Variants in EFCAB6 observed in about 807,000 individuals in gnomAD.
EFCAB6 encodes EF-hand calcium-binding domain-containing protein 6.
A neutral mutation model predicts 169.8 loss-of-function variants in EFCAB6; 156 were observed. The observed-to-expected ratio is 0.92, with a 90% CI of 0.81 to 1.05. EFCAB6 has a LOEUF of 1.05. Among genes scored for constraint, EFCAB6 ranks in the 50% least tolerant of loss-of-function variants. EFCAB6 has a pLI of 0.00. For synonymous variants in EFCAB6, 698 were observed against 676.4 expected (o/e 1.03, Z -0.50); for missense variants, 1,800 against 1,829.1 (o/e 0.98, Z 0.29).
chr22:43,599,200 T>C (rs959314991), intron 23 of EFCAB6, among the ~76,000 whole-genome samples: 17 of 152,142 alleles, frequency 1.1e-4, no homozygotes, highest in Admixed American at 4.6e-4. Flanking sequence ...GCTAAGCCAG[T>C]GCACTAATTT....
intron 27 of EFCAB6, chr22:43,554,062 T>C (rs377066420): frequency 7.2e-5 from 11 of 152,752 alleles, no homozygotes; most frequent in East Asian, 1.9e-4. Flanking sequence ...GCCAGCCTCC[T>C]GCCAGGGTCT....
intron 17 of EFCAB6, among the ~76,000 whole-genome samples, chr22:43,664,642 A>C (rs530848449): frequency 1.3e-5 from 2 of 152,194 alleles, no homozygotes; most frequent in Admixed American, 6.5e-5. Context: ...TTACCCAAGG[A>C]GCCGCGATCT....
chr22:43,725,393 G>A (rs955058702), intron 8 of EFCAB6, among the ~76,000 whole-genome samples: 35 of 151,992 alleles, frequency 2.3e-4, no homozygotes, highest in African/African-American at 7.2e-4. Context: ...CACCCGCCTC[G>A]GCCTCCCAAA....
chr22:43,781,301 C>T (rs1014361126), intron 3 of EFCAB6, among the ~76,000 whole-genome samples: 7 of 152,072 alleles, frequency 4.6e-5, no homozygotes, highest in African/African-American at 9.7e-5. Flanking sequence ...TTGCAAAACA[C>T]GGAGGCAACC....
At chr22:43,677,861 A>T in intron 13 of EFCAB6, 135 bp downstream of exon 13, 1 of 869,958 alleles carries the variant, frequency 1.1e-6, no homozygotes, top group Non-Finnish European at 1.7e-6. Context: ...CTTGACCCTC[A>T]CTTAAAATGA....
intron 3 of EFCAB6, among the ~76,000 whole-genome samples, chr22:43,780,152 C>T (rs1258193589): frequency 2.0e-5 from 3 of 152,082 alleles, no homozygotes; most frequent in African/African-American, 7.2e-5. Flanking sequence ...AAGGTGTGAG[C>T]TTCCTGAAGG....
At chr22:43,684,505 C>T (rs1402981212) in intron 11 of EFCAB6, among the ~76,000 whole-genome samples, 1 of 152,132 alleles carries the variant, frequency 6.6e-6, no homozygotes, top group Non-Finnish European at 1.5e-5. Flanking sequence ...CACAATATAC[C>T]ATTGGGTGCT....
rs143503392 is a variant in EFCAB6, at chr22:43,673,646, G to A, written c.1420-1341C>T. 5.6e-4 allele frequency among the ~76,000 whole-genome samples: 85 copies of A among 152,162 alleles called. 3 individuals carry two copies. In the East Asian group the frequency reaches 0.016, roughly 28 times the overall value. ...AATACAAAAATTAGCTGGGTGTGGT[G>A]GTGTGCGCCTATAATCCCAGCTACT... On this transcript the variant is annotated intron_variant, in intron 13 of 31. Coordinates refer to ENST00000262726, the MANE Select transcript of EFCAB6 (RefSeq NM_022785.4).
intron 6 of EFCAB6, among the ~76,000 whole-genome samples, chr22:43,739,417 T>C (rs529439490): frequency 6.6e-6 from 1 of 152,184 alleles, no homozygotes; most frequent in South Asian, 2.1e-4. Flanking sequence ...TCTCTAAGCC[T>C]GGAGCATTTT....
At position 43,799,103 on chromosome 22, in the gene EFCAB6, G is replaced by A. The variant is rs373519788; in HGVS notation, c.-8+9892C>T. 9.2e-5 allele frequency among the ~76,000 whole-genome samples: 14 copies of A among 152,044 alleles called. No homozygotes were observed. The East Asian group carries it at 1.9e-3, about 21-fold the overall frequency. On this transcript the variant is annotated intron_variant, in intron 2 of 31. Coordinates refer to ENST00000262726, the MANE Select transcript of EFCAB6 (RefSeq NM_022785.4). ...TTTGGGAGGCCAAGGCTGGAGGATC[G>A]ATTGCTTGAGGCCAAAAGTTCAAGA...
At position 43,742,744 on chromosome 22, in the gene EFCAB6, C is replaced by T. The variant is rs540503600; in HGVS notation, c.508-6751G>A. Among the ~76,000 whole-genome samples, 24 of 152,378 alleles carry T rather than the reference C, an allele frequency of 1.6e-4. No individual in the cohort carries two copies. The South Asian group carries it at 4.8e-3, about 30-fold the overall frequency. On this transcript the variant is annotated intron_variant, in intron 6 of 31. Transcript: ENST00000262726. ...AGCCCTGCTCAGGGCCATATGCTAGCCCTGTGCGTGAGCAGGTGCTGCCCT... is the reference window on the plus strand; with the variant it reads ...AGCCCTGCTCAGGGCCATATGCTAGTCCTGTGCGTGAGCAGGTGCTGCCCT...
chr22:43,806,016 C>T (rs1373518029), intron 2 of EFCAB6, among the ~76,000 whole-genome samples: 1 of 151,754 alleles, frequency 6.6e-6, no homozygotes, highest in Non-Finnish European at 1.5e-5. Context: ...AATACAAAAA[C>T]TTAGCTGGGT....
intron 11 of EFCAB6, among the ~76,000 whole-genome samples, chr22:43,685,022 C>T (rs1408411841): frequency 2.6e-5 from 4 of 152,114 alleles, no homozygotes; most frequent in Admixed American, 2.0e-4. Context: ...TGCCTAAAAT[C>T]GCAAAAAGCA....
intron 27 of EFCAB6, among the ~76,000 whole-genome samples, chr22:43,550,408 A>G (rs1441518314): frequency 3.3e-5 from 5 of 152,202 alleles, no homozygotes; most frequent in African/African-American, 1.2e-4. Context: ...GCGGTGGCTC[A>G]TGCCTGTCAT....
At chr22:43,757,628 G>C (rs1000873520) in intron 5 of EFCAB6, among the ~76,000 whole-genome samples, 3 of 152,160 alleles carry the variant, frequency 2.0e-5, no homozygotes, top group African/African-American at 4.8e-5. Flanking sequence ...TGCAGCAATG[G>C]AACACAGCCT....
chr22:43,664,031 G>C (rs1453907809), intron 17 of EFCAB6, among the ~76,000 whole-genome samples: 1 of 152,218 alleles, frequency 6.6e-6, no homozygotes, highest in African/African-American at 2.4e-5. Flanking sequence ...AGGCAGCAGG[G>C]AGGTCTCCAA....
intron 24 of EFCAB6, among the ~76,000 whole-genome samples, chr22:43,582,846 A>G (rs560413903): frequency 6.6e-6 from 1 of 152,298 alleles, no homozygotes; most frequent in South Asian, 2.1e-4. Flanking sequence ...GAAAAAAGTG[A>G]TGGTTAAAGA....
At chr22:43,696,946 T>C (rs1229506740) in intron 10 of EFCAB6, among the ~76,000 whole-genome samples, 1 of 152,202 alleles carries the variant, frequency 6.6e-6, no homozygotes, top group African/African-American at 2.4e-5. Flanking sequence ...TATACCTCTA[T>C]AAAGCTAGGA....
intron 17 of EFCAB6, among the ~76,000 whole-genome samples, chr22:43,648,765 T>C (rs561698135): frequency 1.3e-5 from 2 of 152,332 alleles, no homozygotes; most frequent in East Asian, 1.9e-4. Context: ...GAGCTGAGAT[T>C]TGAGCCCTGG....
Sources: gnomAD v4.1 joint callset for allele counts (sites outside exome capture counted in the v4.1 genomes callset) on GRCh38, gnomAD v4.1.1 for gene constraint, MANE v1.5 for transcripts, NCBI Gene and HGNC (gene_info 2026-07-23, HGNC 2026-07-21) for gene names.